Variants in HBP1 observed in about 807,000 individuals in gnomAD.
The protein encoded by HBP1 is HMG-box transcription factor 1, also known as HMG box-containing protein 1.
Under a neutral mutation model 62.6 loss-of-function variants are expected in HBP1, and 20 were observed. The observed-to-expected ratio is 0.32, with a 90% CI of 0.22 to 0.46. The LOEUF is 0.46. HBP1 is among the 20% of genes least tolerant of loss of function. HBP1 has a pLI of 1.00. For synonymous variants in HBP1, 232 were observed against 206.2 expected, an observed-to-expected ratio of 1.12 and a Z score of -1.07; for missense variants, 480 against 611.8, an observed-to-expected ratio of 0.78 and a Z score of 2.27.
chr7:107,197,377 TTTTG>T lies in HBP1; in HGVS notation c.1385+1235_1385+1238del, dbSNP rs1428832744. Among the ~76,000 whole-genome samples the T allele has an allele frequency of 6.6e-5, 10 of 152,178 alleles. No homozygotes were observed. The South Asian group carries it at 8.3e-4, about 13-fold the overall frequency. ...TGAGTCAAGAATTCTAAGAGTCTTTTTTTGTTTGTTTGAGGCGGAGTCTCACTGT... is the reference window on the plus strand; with the variant it reads ...TGAGTCAAGAATTCTAAGAGTCTTTTTTTGTTTGAGGCGGAGTCTCACTGT... On this transcript the variant is annotated intron_variant, in intron 9 of 10. Transcript: ENST00000222574.
At chr7:107,170,968 A>G (rs1353267191) in intron 1 of HBP1, among the ~76,000 whole-genome samples, 3 of 144,616 alleles carry the variant, frequency 2.1e-5, no homozygotes, top group Non-Finnish European at 4.5e-5. Context: ...TATATAAAAT[A>G]TATAACATAC....
At position 107,179,972 on chromosome 7, in the gene HBP1, G is replaced by A. The variant is rs1180026948; in HGVS notation, c.79G>A (p.Gly27Arg). The change falls in exon 2 of 11, where the codon GGA (glycine) becomes AGA (arginine). Residue 27 changes from glycine to arginine, a missense_variant. Coordinates refer to ENST00000222574, the MANE Select transcript of HBP1 (RefSeq NM_012257.4). The stretch of plus-strand genomic sequence containing the variant: ...GTTGGTGATGGACAAGAGAGCCTCA[G>A]GAATGAATGACTCATTGGAGTTGCT... ...LLLVMDKRASGMNDSLELLQC... is the reference protein window; with the variant it reads ...LLLVMDKRASRMNDSLELLQC... The A allele has an allele frequency of 8.7e-6, 14 of 1,611,708 alleles. No individual in the cohort carries two copies. Among genetic ancestry groups the A allele is most frequent in the Non-Finnish European group, 8.5e-6 (10 of 1,178,086 alleles).
At chr7:107,170,777 C>T (rs113878583) in intron 1 of HBP1, among the ~76,000 whole-genome samples, 6,635 of 151,718 alleles carry the variant, frequency 0.044, 203 homozygotes, top group Middle Eastern at 0.099. Flanking sequence ...AAACTCCTAA[C>T]TACATACCCT....
At chr7:107,174,427 C>A (rs565897143) in intron 1 of HBP1, 60 of 972,848 alleles carry the variant, frequency 6.2e-5, no homozygotes, top group Middle Eastern at 1.1e-3. Flanking sequence ...AAAATAATGT[C>A]TTTTTCCAAC....
chr7:107,184,348 C>T (rs996618445), intron 3 of HBP1, among the ~76,000 whole-genome samples: 2 of 151,784 alleles, frequency 1.3e-5, no homozygotes, highest in Admixed American at 6.6e-5. Flanking sequence ...GAGGGCCTTT[C>T]GATTTAAGGA....
Position 107,186,436 on chromosome 7 carries a change from T to G in HBP1, c.616T>G (p.Ser206Ala). ...SDDDDLGWCN[S>A]WPSTVWHCFL... ...TGATGATGATTTGGGATGGTGCAAT[T>G]CCTGGCCTTCAACTGTCTGGCACTG... Residue 206 changes from serine (S) to alanine (A), a missense_variant, in exon 5 of 11, where the codon TCC (serine) becomes GCC (alanine). This residue lies in a region of HBP1 where 304 missense variants were observed against 330.9 expected (regional missense o/e 0.92). Transcript: ENST00000222574. The G allele has an allele frequency of 3.1e-6, 5 of 1,613,222 alleles. No individual in the cohort carries two copies. The highest frequency in any genetic ancestry group is 4.2e-6 in the Non-Finnish European group (5 of 1,179,286).
Position 107,195,750 on chromosome 7 carries a change from CTTTTTTTTT to C in HBP1, c.1068-78_1068-70del. The stretch of plus-strand genomic sequence containing the variant: ...ACTGAAATTTCCAATCAGATGTTTT[CTTTTTTTTT>C]TTTTTAACCTGCTTTTTAGAAATCA... On this transcript the variant is annotated intron_variant, in intron 8 of 10. Transcript: ENST00000222574. The C allele has an allele frequency of 1.5e-5, 8 of 531,284 alleles. 1 individual carries two copies. The highest frequency in any genetic ancestry group is 2.3e-5 in the Non-Finnish European group (8 of 348,784). 32.9% of individuals were successfully genotyped at this position (531,284 alleles called of 1,614,324 possible).
chr7:107,181,797 T>C (rs1797118220), intron 2 of HBP1, among the ~76,000 whole-genome samples: 1 of 151,994 alleles, frequency 6.6e-6, no homozygotes, highest in South Asian at 2.1e-4. Flanking sequence ...ATGTTCCTTA[T>C]AGTGCTTGGT....
intron 1 of HBP1, chr7:107,169,982 AC>A (rs1342083160): frequency 2.0e-6 from 2 of 985,002 alleles, no homozygotes; most frequent in Non-Finnish European, 1.2e-6. Flanking sequence ...AACAAAACAA[AC>A]CAGGCGAAGT....
At chr7:107,190,490 A>G (rs558164841) in intron 8 of HBP1, among the ~76,000 whole-genome samples, 173 bp downstream of exon 8, 2 of 152,356 alleles carry the variant, frequency 1.3e-5, no homozygotes, top group South Asian at 4.1e-4. Context: ...TTAAAGTATA[A>G]TAGTTACCAG....
At chr7:107,188,171 A>G (rs1032420081) in intron 6 of HBP1, among the ~76,000 whole-genome samples, 7 of 152,218 alleles carry the variant, frequency 4.6e-5, no homozygotes, top group Admixed American at 6.5e-5. Context: ...TTGCCAATCT[A>G]TGTCTATAGC....
At chr7:107,199,785 TAAAA>T in intron 9 of HBP1, among the ~76,000 whole-genome samples, 1 of 152,298 alleles carries the variant, frequency 6.6e-6, no homozygotes, top group Non-Finnish European at 1.5e-5. Context: ...TCTCAAGTAA[TAAAA>T]AATACTGTCT....
chr7:107,179,534 G>A (rs1797011592), intron 1 of HBP1: 1 of 160,846 alleles, frequency 6.2e-6, no homozygotes, highest in Admixed American at 6.0e-5. Context: ...CACTCTGGGA[G>A]GCCCAGGTGG....
chr7:107,195,236 G>T (rs2115973214), intron 8 of HBP1, among the ~76,000 whole-genome samples: 1 of 152,270 alleles, frequency 6.6e-6, no homozygotes, highest in South Asian at 2.1e-4. Flanking sequence ...TGCCCAGGCT[G>T]GTCTTAAACT....
At chr7:107,192,310 A>G (rs1797688030) in intron 8 of HBP1, among the ~76,000 whole-genome samples, 1 of 152,064 alleles carries the variant, frequency 6.6e-6, no homozygotes, top group Non-Finnish European at 1.5e-5. Flanking sequence ...AAATTAGTCA[A>G]GGGTCAACCT....
chr7:107,186,288 G>A (rs1230296724), intron 4 of HBP1, 73 bp from the exon 5 acceptor site: 7 of 896,216 alleles, frequency 7.8e-6, no homozygotes, highest in South Asian at 3.2e-5. Context: ...GCCTAAAGAC[G>A]TGGGATGAAA....
At chr7:107,200,091 TAGC>T (rs1798158654) in intron 9 of HBP1, 66 bp from the exon 10 acceptor site, 1 of 1,247,234 alleles carries the variant, frequency 8.0e-7, no homozygotes. Context: ...TCTCCTGAAG[TAGC>T]AGCACTTGAC....
At chr7:107,189,562 A>G (rs1225664294) in intron 7 of HBP1, 114 bp downstream of exon 7, 1 of 721,752 alleles carries the variant, frequency 1.4e-6, no homozygotes, top group African/African-American at 1.8e-5. Flanking sequence ...ACGTCTTTCA[A>G]ACTAAATAAA....
chr7:107,175,052 CTG>C (rs1216227430), intron 1 of HBP1, among the ~76,000 whole-genome samples: 2 of 151,738 alleles, frequency 1.3e-5, no homozygotes, highest in African/African-American at 2.4e-5. Context: ...TTCATAGAGA[CTG>C]GGAATGTGAG....
Sources: allele counts gnomAD v4.1 joint callset (sites outside exome capture counted in the v4.1 genomes callset), GRCh38; gene constraint gnomAD v4.1.1; regional missense constraint gnomAD v4.1.1; transcripts MANE v1.5; gene names NCBI Gene and HGNC (gene_info 2026-07-23, HGNC 2026-07-21).